LIFR: variants seen among roughly 807,000 people sequenced by gnomAD.
LIFR encodes leukemia inhibitory factor receptor.
A neutral mutation model predicts 122.2 loss-of-function variants in LIFR; 84 were observed. The observed-to-expected ratio is 0.69, with a 90% CI of 0.58 to 0.82. The LOEUF is 0.82. Ranked by LOEUF, LIFR falls within the 40% of genes least tolerant of loss-of-function variation. The pLI, the probability that LIFR is intolerant of heterozygous loss-of-function variation, is 0.00. For missense variants in LIFR, 1,294 were observed against 1,311.6 expected (o/e 0.99, Z 0.21); for synonymous variants, 422 against 434.7 (o/e 0.97, Z 0.36).
intron 1 of LIFR, chr5:38,578,997 T>C (rs1450363728): frequency 1.3e-5 from 2 of 152,182 alleles, no homozygotes; most frequent in Non-Finnish European, 1.5e-5. Flanking sequence ...CTGTGAAAAG[T>C]GGTAAAGGTT....
chr5:38,548,937 CA>C lies in LIFR; in HGVS notation c.-20+7396del, dbSNP rs556559392. ...TTAAGAATAGAATACTGGCTTTAAT[CA>C]CCATATCAGATCAGTGAGATCAAGG... On this transcript the variant is annotated intron_variant, in intron 1 of 19. Transcript: ENST00000453190. Among the ~76,000 whole-genome samples the C allele has an allele frequency of 2.0e-5, 3 of 152,216 alleles. No individual in the cohort carries two copies. The South Asian group carries it at 6.2e-4, about 32-fold the overall frequency.
At chr5:38,596,167 C>G (rs1310792480), upstream of LIFR, among the ~76,000 whole-genome samples, 1 of 152,146 alleles carries the variant, frequency 6.6e-6, no homozygotes, top group Non-Finnish European at 1.5e-5. Flanking sequence ...ACAATTTGTA[C>G]CACTCCTTTA....
At chr5:38,529,964 T>C (rs965573854) in intron 2 of LIFR, among the ~76,000 whole-genome samples, 1 of 152,234 alleles carries the variant, frequency 6.6e-6, no homozygotes, top group East Asian at 1.9e-4. Flanking sequence ...AGGAGGATGA[T>C]AATTTCTTTA....
At position 38,506,209 on chromosome 5, in the gene LIFR, G is replaced by C. The variant is rs898855992; in HGVS notation, c.1122-135C>G. 9.3e-6 allele frequency: 6 copies of C among 648,192 alleles called. No homozygotes were observed. In the African/African-American group the frequency reaches 1.1e-4, roughly 12 times the overall value. The allele number at this position is 648,192 out of a possible 1,614,324, so 40.2% of individuals were successfully genotyped here. A position where few individuals can be genotyped will look rare whatever the true frequency, so the allele number is the denominator to read the frequency against. On this transcript the variant is annotated intron_variant, in intron 8 of 19. Transcript: ENST00000453190. ...AGAAGCATATTACATACTCAGAGAAGAAAATGTATGTGATACAGAAAATAG... is the reference window on the plus strand; with the variant it reads ...AGAAGCATATTACATACTCAGAGAACAAAATGTATGTGATACAGAAAATAG...
At chr5:38,565,833 C>T (rs1749005476) in intron 1 of LIFR, among the ~76,000 whole-genome samples, 1 of 152,140 alleles carries the variant, frequency 6.6e-6, no homozygotes, top group African/African-American at 2.4e-5. Context: ...TCCCCCACAC[C>T]TCGGCATCCC....
chr5:38,475,387 C>T lies in LIFR; in HGVS notation c.*6208G>A, dbSNP rs938573682. On this transcript the variant is annotated 3_prime_UTR_variant, in exon 20 of 20. Coordinates refer to ENST00000453190, the MANE Select transcript of LIFR (RefSeq NM_001127671.2). ...AAGTGTATTGAAATGTTTCCTTATA[C>T]GATTAAACATGATTTTAGGTACAGC... 4 of 194,244 alleles carry T rather than the reference C, an allele frequency of 2.1e-5. No individual in the cohort carries two copies. Among genetic ancestry groups the T allele is most frequent in the East Asian group, 8.3e-5 (1 of 12,102 alleles). 12.0% of individuals were successfully genotyped at this position (194,244 alleles called of 1,614,324 possible).
rs558617159 is a variant in LIFR at position 38,556,201 on chromosome 5, G to C, written c.-20+133C>G. On this transcript the variant is annotated intron_variant, in intron 1 of 19. Transcript: ENST00000453190. ...GGCGGGACCCGGAGCGGCGCTCTCC[G>C]GGGTCACTCCCCTAGGACGCTCCGC... 6 of 152,004 alleles carry C rather than the reference G, an allele frequency of 3.9e-5. 1 individual carries two copies. In the South Asian group the frequency reaches 1.0e-3, roughly 26 times the overall value. The allele number at this position is 152,004 out of a possible 1,614,324, so 9.4% of individuals were successfully genotyped here. A position where few individuals can be genotyped will look rare whatever the true frequency, so the allele number is the denominator to read the frequency against.
chr5:38,504,054 C>G lies in LIFR; in HGVS notation c.1359G>C (p.Trp453Cys), dbSNP rs777217710. Residue 453 changes from tryptophan (W) to cysteine (C), a missense_variant, in exon 10 of 20, where the codon TGG (tryptophan) becomes TGC (cysteine). Transcript: ENST00000453190. The part of the protein sequence containing the change: ...DINSTAVKLS[W>C]HLPGNFAKIN... ...TCTTTGCAAAGTTGCCTGGTAAATG[C>G]CAAGAAAGTTTAACAGCTGTTGAAT... The G allele has an allele frequency of 6.3e-7, 1 of 1,592,430 alleles. No individual in the cohort carries two copies. The highest frequency in any genetic ancestry group is 1.1e-5 in the South Asian group (1 of 90,556).
intron 1 of LIFR, among the ~76,000 whole-genome samples, chr5:38,577,685 C>T (rs1268878144): frequency 1.3e-5 from 2 of 152,164 alleles, no homozygotes; most frequent in East Asian, 3.9e-4. Context: ...TTGCTTAACA[C>T]AGTTTGAATT....
intron 1 of LIFR, among the ~76,000 whole-genome samples, chr5:38,577,189 C>T (rs545101270): frequency 6.6e-6 from 1 of 152,332 alleles, no homozygotes; most frequent in Non-Finnish European, 1.5e-5. Flanking sequence ...TTCTTCTCAT[C>T]CTGACTTAAT....
intron 1 of LIFR, among the ~76,000 whole-genome samples, chr5:38,552,633 T>G (rs1158551647): frequency 6.6e-6 from 1 of 152,186 alleles, no homozygotes; most frequent in Non-Finnish European, 1.5e-5. Context: ...TCACTATAAT[T>G]TACTGAAAAG....
chr5:38,539,737 G>A (rs1747486785), intron 1 of LIFR, among the ~76,000 whole-genome samples: 1 of 151,714 alleles, frequency 6.6e-6, no homozygotes, highest in African/African-American at 2.4e-5. Flanking sequence ...CTAGGAGGGG[G>A]AAAAATACTA....
chr5:38,540,374 C>T (rs1446503598), intron 1 of LIFR, among the ~76,000 whole-genome samples: 1 of 152,212 alleles, frequency 6.6e-6, no homozygotes, highest in Non-Finnish European at 1.5e-5. Flanking sequence ...GGGGGAAACA[C>T]CACCTGCTCT....
intron 1 of LIFR, among the ~76,000 whole-genome samples, chr5:38,573,067 G>A (rs1185934681): frequency 2.0e-5 from 3 of 152,176 alleles, no homozygotes; most frequent in Non-Finnish European, 4.4e-5. Flanking sequence ...TCACTAGAAG[G>A]GAGCAAAACC....
intron 7 of LIFR, 63 bp downstream of exon 7, chr5:38,510,401 A>T: frequency 2.0e-6 from 3 of 1,492,222 alleles, no homozygotes; most frequent in Non-Finnish European, 1.9e-6. Flanking sequence ...CAGAAGAATT[A>T]AGGCTTTCAA....
At chr5:38,493,330 A>T (rs1321754226) in intron 14 of LIFR, among the ~76,000 whole-genome samples, 2 of 151,850 alleles carry the variant, frequency 1.3e-5, no homozygotes, top group Non-Finnish European at 1.5e-5. Context: ...TTGGGTTTTT[A>T]ATTTTTCACA....
chr5:38,577,714 A>C (rs1749433586), intron 1 of LIFR, among the ~76,000 whole-genome samples: 1 of 152,238 alleles, frequency 6.6e-6, no homozygotes, highest in Admixed American at 6.5e-5. Context: ...GTCACTTGCA[A>C]CTGAAATAGC....
chr5:38,584,022 T>TC (rs1015205524), intron 1 of LIFR, among the ~76,000 whole-genome samples: 16 of 138,680 alleles, frequency 1.2e-4, no homozygotes, highest in African/African-American at 4.9e-4. Flanking sequence ...AATCTCTCTC[T>TC]TTTTTTTTTA....
At chr5:38,518,557 G>C (rs1238965817) in intron 5 of LIFR, among the ~76,000 whole-genome samples, 1 of 152,194 alleles carries the variant, frequency 6.6e-6, no homozygotes, top group African/African-American at 2.4e-5. Flanking sequence ...TATTACTCAT[G>C]TGTCTGTGGT....
Sources: allele counts gnomAD v4.1 joint callset (sites outside exome capture counted in the v4.1 genomes callset), GRCh38; gene constraint gnomAD v4.1.1; transcripts MANE v1.5; gene names NCBI Gene and HGNC (gene_info 2026-07-23, HGNC 2026-07-21).